The following EPHX1 variants were observed in gnomAD, a reference collection of about 807,000 sequenced individuals.
The protein encoded by EPHX1 is epoxide hydratase.
A neutral mutation model predicts 43.2 loss-of-function variants in EPHX1; 40 were observed. The ratio of observed to expected loss-of-function variants is 0.93; its 90% CI spans 0.72 to 1.21. EPHX1 has a LOEUF of 1.21. Among genes scored for constraint, EPHX1 ranks in the 50% most tolerant of loss-of-function variants. EPHX1 has a pLI of 0.00. For missense variants in EPHX1, 550 were observed against 570.4 expected (o/e 0.96, Z 0.36); for synonymous variants, 221 against 226.7 (o/e 0.98, Z 0.22).
rs536429297 is a variant in EPHX1 at position 225,845,477 on chromosome 1, C to G, written c.*130C>G. ...GCCCATGCTGGGAGCCCACGCTCAC[C>G]CCCTCACCCCTCCAAGCTCACTCCC... is the stretch of plus-strand genomic sequence containing the variant. On this transcript the variant is annotated 3_prime_UTR_variant, in exon 9 of 9. Coordinates refer to ENST00000272167, the MANE Select transcript of EPHX1 (RefSeq NM_001136018.4). 1.3e-4 allele frequency: 115 copies of G among 879,460 alleles called. No homozygotes were observed. The African/African-American group carries it at 1.6e-3, about 12-fold the overall frequency. The allele number at this position is 879,460 out of a possible 1,614,324, so 54.5% of individuals were successfully genotyped here.
chr1:225,820,301 C>G, intron 1 of EPHX1, among the ~76,000 whole-genome samples: 1 of 152,066 alleles, frequency 6.6e-6, no homozygotes, highest in Non-Finnish European at 1.5e-5. Context: ...GTTGGCCAGG[C>G]TGGTCTTGAA....
In EPHX1 at chr1:225,813,175, T is replaced by C. The variant is rs573110016; in HGVS notation, c.-6+3006T>C. The stretch of plus-strand genomic sequence containing the variant: ...AGTTTTGAAGGGACTCAGTGGGCCC[T>C]GTAGCCTCTGCTGGGTCCAGTGAAG... On this transcript the variant is annotated intron_variant, in intron 1 of 8. Coordinates refer to ENST00000272167, the MANE Select transcript of EPHX1 (RefSeq NM_001136018.4). 6.6e-5 allele frequency among the ~76,000 whole-genome samples: 10 copies of C among 152,368 alleles called. No homozygotes were observed. The South Asian group carries it at 1.7e-3, about 25-fold the overall frequency.
chr1:225,839,118 G>A (rs577837939), intron 4 of EPHX1, 99 bp from the exon 5 acceptor site: 2 of 1,582,938 alleles, frequency 1.3e-6, no homozygotes, highest in Non-Finnish European at 1.7e-6. Flanking sequence ...CCTCCACCTG[G>A]GGGTAGGCGG....
intron 3 of EPHX1, among the ~76,000 whole-genome samples, chr1:225,836,079 G>A (rs1488886880): frequency 6.6e-6 from 1 of 151,776 alleles, no homozygotes; most frequent in African/African-American, 2.4e-5. Flanking sequence ...AAAATAGAAT[G>A]TATGTATGGT....
At chr1:225,831,324 A>C (rs1053518086) in intron 2 of EPHX1, among the ~76,000 whole-genome samples, 24 of 152,208 alleles carry the variant, frequency 1.6e-4, no homozygotes, top group Non-Finnish European at 1.8e-4. Context: ...CAAGGCAGAC[A>C]GATCACTTGA....
chr1:225,839,934 G>T lies in EPHX1; in HGVS notation c.828G>T (p.Glu276Asp). The change falls in exon 6 of 9, where the codon GAG becomes GAT. Residue 276 changes from glutamate to aspartate, a missense_variant. Glu to Asp is a conservative substitution (Grantham distance 45). Coordinates refer to ENST00000272167, the MANE Select transcript of EPHX1 (RefSeq NM_001136018.4). ...QRFGRFLGLT[E>D]RDVELLYPVK... ...TCGGGAGGTTTCTTGGCCTCACTGA[G>T]AGGGATGTGGAGCTGCTGTACCCCG... 6.2e-7 allele frequency: 1 copy of T among 1,614,244 alleles called. No individual in the cohort carries two copies.
At position 225,844,338 on chromosome 1, in the gene EPHX1, C is replaced by T. The variant is rs56185407; in HGVS notation, c.1041-160C>T. Among the ~76,000 whole-genome samples the T allele has an allele frequency of 5.5e-3, 833 of 152,202 alleles. 7 individuals are homozygous for T. Among genetic ancestry groups the T allele is most frequent in the Middle Eastern group, 0.037 (11 of 294 alleles). On this transcript the variant is annotated intron_variant, in intron 7 of 8. Transcript: ENST00000272167. ...ATGCGCTCCAGTCTAGTGCCCTGGGCGCAGCCTGCCTGTGACACGAGGATA... is the reference window on the plus strand; with the variant it reads ...ATGCGCTCCAGTCTAGTGCCCTGGGTGCAGCCTGCCTGTGACACGAGGATA...
intron 1 of EPHX1, among the ~76,000 whole-genome samples, chr1:225,822,388 C>T (rs973437926): frequency 1.3e-5 from 2 of 152,152 alleles, no homozygotes; most frequent in Non-Finnish European, 2.9e-5. Context: ...AACTCTCAGC[C>T]CAGTAACTTG....
chr1:225,823,621 G>A (rs969995334), intron 1 of EPHX1, among the ~76,000 whole-genome samples: 4 of 152,228 alleles, frequency 2.6e-5, no homozygotes, highest in Non-Finnish European at 4.4e-5. Flanking sequence ...ATGTAGGGGT[G>A]ATGCAGCCCT....
intron 7 of EPHX1, among the ~76,000 whole-genome samples, chr1:225,843,179 G>A (rs1006549647): frequency 2.6e-5 from 4 of 151,344 alleles, no homozygotes; most frequent in African/African-American, 9.8e-5. Flanking sequence ...GAATGAATGC[G>A]CAAAGGACTG....
chr1:225,828,994 C>T lies in EPHX1; in HGVS notation c.183+82C>T, dbSNP rs3738048. The T allele has an allele frequency of 1.4e-3, 2,025 of 1,448,504 alleles. 36 individuals are homozygous for T. The East Asian group carries it at 0.033, about 23-fold the overall frequency. The allele number at this position is 1,448,504 out of a possible 1,614,324, so 89.7% of individuals were successfully genotyped here. On this transcript the variant is annotated intron_variant, in intron 2 of 8. Transcript: ENST00000272167. Reference sequence around the variant, plus strand: ...CAGGGGTTGGGTCTTAGGCCAGATGCGGGAGGGGACGGGGGCTTGGGAATG... The same window carrying T: ...CAGGGGTTGGGTCTTAGGCCAGATGTGGGAGGGGACGGGGGCTTGGGAATG...
intron 1 of EPHX1, among the ~76,000 whole-genome samples, chr1:225,815,030 C>G (rs1666655328): frequency 6.6e-6 from 1 of 152,222 alleles, no homozygotes; most frequent in East Asian, 1.9e-4. Context: ...GTTTTTCTGG[C>G]TGTGGCAGGA....
chr1:225,838,136 A>G (rs1668070759), intron 3 of EPHX1, among the ~76,000 whole-genome samples: 1 of 152,222 alleles, frequency 6.6e-6, no homozygotes, highest in Admixed American at 6.5e-5. Flanking sequence ...TTTACCTCCC[A>G]GCAATATCTT....
chr1:225,845,102 G>A (rs1290492864), intron 8 of EPHX1, 44 bp from the exon 9 acceptor site: 19 of 1,606,254 alleles, frequency 1.2e-5, no homozygotes, highest in African/African-American at 2.7e-5. Flanking sequence ...ACGGAGGGGC[G>A]CAGGGCCACA....
rs200248123 is a variant in EPHX1 at position 225,831,554 on chromosome 1, AAAAAAG to A, written c.184-219_184-214del. ...AGAGTGAGACCCTATCTCAAAAAAA[AAAAAAG>A]AAAAAAGAAAAAAGAAATGCGAAGT... On this transcript the variant is annotated intron_variant, in intron 2 of 8. Coordinates refer to ENST00000272167, the MANE Select transcript of EPHX1 (RefSeq NM_001136018.4). Among the ~76,000 whole-genome samples, 20,106 of 120,934 alleles carry A rather than the reference AAAAAAG, an allele frequency of 0.17. 1,572 individuals are homozygous for A. The highest frequency in any genetic ancestry group is 0.31 in the South Asian group (1,117 of 3,608). The allele number at this position is 120,934 out of a possible 152,430, so 79.3% of individuals were successfully genotyped here. A position where few individuals can be genotyped will look rare whatever the true frequency, so the allele number is the denominator to read the frequency against.
At chr1:225,810,881 T>C (rs1015586959) in intron 1 of EPHX1, among the ~76,000 whole-genome samples, 3 of 152,136 alleles carry the variant, frequency 2.0e-5, no homozygotes, top group African/African-American at 7.2e-5. Flanking sequence ...TTCACTTTTG[T>C]GGTGGAATGA....
intron 1 of EPHX1, among the ~76,000 whole-genome samples, chr1:225,823,276 CCACCT>C (rs2102699194): frequency 1.3e-5 from 2 of 152,180 alleles, no homozygotes; most frequent in South Asian, 4.1e-4. Context: ...AAGTGATTCA[CCACCT>C]TGGCCCCACG....
At chr1:225,814,403 A>G (rs1367258506) in intron 1 of EPHX1, among the ~76,000 whole-genome samples, 2 of 152,240 alleles carry the variant, frequency 1.3e-5, no homozygotes, top group African/African-American at 4.8e-5. Flanking sequence ...CCTCTTCTTA[A>G]GATGGTTGTA....
At chr1:225,832,803 T>G (rs45529838) in intron 3 of EPHX1, among the ~76,000 whole-genome samples, 72 of 152,372 alleles carry the variant, frequency 4.7e-4, no homozygotes, top group African/African-American at 1.7e-3. Flanking sequence ...TAATGATTAC[T>G]GATGTTGAGC....
Sources: allele counts gnomAD v4.1 joint callset (sites outside exome capture counted in the v4.1 genomes callset), GRCh38; gene constraint gnomAD v4.1.1; transcripts MANE v1.5; gene names NCBI Gene and HGNC (gene_info 2026-07-23, HGNC 2026-07-21).